The following ZFHX3 variants were observed in gnomAD, a reference collection of about 807,000 sequenced individuals.
The protein encoded by ZFHX3 is zinc finger homeobox protein 3.
In ZFHX3, 42 loss-of-function variants were observed where a neutral mutation model predicts 279.1. The observed-to-expected ratio is 0.15, with a 90% CI of 0.12 to 0.19. The LOEUF (loss-of-function observed/expected upper bound fraction) is 0.19, where lower values mean the gene tolerates loss of function less well. Ranked by LOEUF, ZFHX3 falls within the 10% of genes least tolerant of loss-of-function variation. The probability of loss-of-function intolerance (pLI) is 1.00; values close to 1 mark genes in which losing one functional copy is unlikely to be tolerated. For synonymous variants in ZFHX3, 2,293 were observed against 1,957.8 expected (o/e 1.17, Z -4.52); for missense variants, 4,981 against 4,754.0 (o/e 1.05, Z -1.40).
chr16:73,113,386 T>C (rs1966399771), intron 7 of ZFHX3, among the ~76,000 whole-genome samples: 1 of 151,994 alleles, frequency 6.6e-6, no homozygotes, highest in African/African-American at 2.4e-5. Context: ...CCTGAGGAAG[T>C]ACAAAAATTC....
intron 1 of ZFHX3, among the ~76,000 whole-genome samples, chr16:73,030,138 A>G (rs1176561015): frequency 6.6e-6 from 1 of 152,222 alleles, no homozygotes; most frequent in Non-Finnish European, 1.5e-5. Context: ...ATATGCCAGG[A>G]TAATCCCCAA....
chr16:73,142,623 G>T (rs1470741857), intron 6 of ZFHX3, among the ~76,000 whole-genome samples: 3 of 152,224 alleles, frequency 2.0e-5, no homozygotes. Flanking sequence ...GTTAATGAGT[G>T]CATGACGGGT....
chr16:72,999,454 G>C (rs952388679), intron 1 of ZFHX3, among the ~76,000 whole-genome samples: 2 of 152,214 alleles, frequency 1.3e-5, no homozygotes, highest in African/African-American at 2.4e-5. Context: ...AACATGCCTG[G>C]ATACCTGGAA....
intron 1 of ZFHX3, among the ~76,000 whole-genome samples, chr16:72,989,545 CA>C (rs1220610476): frequency 6.6e-6 from 1 of 151,552 alleles, no homozygotes; most frequent in Non-Finnish European, 1.5e-5. Context: ...AGGCTAAGAA[CA>C]CGCATACTAG....
chr16:73,608,266 A>AAT (rs2052210884), intron 2 of ZFHX3, among the ~76,000 whole-genome samples: 1 of 152,176 alleles, frequency 6.6e-6, no homozygotes, highest in South Asian at 2.1e-4. Context: ...GCTTTCTTGA[A>AAT]GCTGGTCCCA....
chr16:73,174,003 A>C (rs539026078), intron 5 of ZFHX3, among the ~76,000 whole-genome samples: 37 of 152,290 alleles, frequency 2.4e-4, no homozygotes, highest in African/African-American at 8.7e-4. Flanking sequence ...TCTGAAAATA[A>C]ACTTTGCAGT....
chr16:73,529,141 T>C (rs1425697996), intron 2 of ZFHX3, among the ~76,000 whole-genome samples: 1 of 152,166 alleles, frequency 6.6e-6, no homozygotes, highest in African/African-American at 2.4e-5. Context: ...GTGAAATACA[T>C]TGAGGGCCTA....
At chr16:73,505,013 T>A (rs1396550098) in intron 2 of ZFHX3, 1 of 151,746 alleles carries the variant, frequency 6.6e-6, no homozygotes, top group Non-Finnish European at 1.5e-5. Flanking sequence ...GAGGGGGCAA[T>A]GAGAAAGGAA....
intron 1 of ZFHX3, chr16:73,015,408 T>C (rs1964065974): frequency 6.6e-6 from 1 of 152,108 alleles, no homozygotes; most frequent in Admixed American, 6.5e-5. Context: ...AGAAAAAACC[T>C]CCCATCCTGG....
At chr16:73,619,474 C>T (rs1280241278) in intron 2 of ZFHX3, among the ~76,000 whole-genome samples, 1 of 114,500 alleles carries the variant, frequency 8.7e-6, no homozygotes, top group Non-Finnish European at 1.7e-5. Context: ...GGTGACAGAG[C>T]GATACTGTGT....
chr16:73,001,398 C>T (rs1963492630), intron 1 of ZFHX3, among the ~76,000 whole-genome samples: 1 of 152,162 alleles, frequency 6.6e-6, no homozygotes, highest in African/African-American at 2.4e-5. Context: ...CGCCACAGCC[C>T]GATTCCTGAC....
At position 73,525,170 on chromosome 16, in the gene ZFHX3, G is replaced by A. The variant is rs75163331; in HGVS notation, c.-1546-68912C>T. 6.6e-5 allele frequency among the ~76,000 whole-genome samples: 10 copies of A among 152,264 alleles called. No homozygotes were observed. In the East Asian group the frequency reaches 1.5e-3, roughly 24 times the overall value. On this transcript the variant is annotated intron_variant, in intron 2 of 17. Coordinates refer to the ZFHX3 transcript ENST00000641206. ...TTTTACGTACAGTTAATTCTCTCCC[G>A]ACCTGGGGAGATTCCTGTTGGCGAT... is the stretch of plus-strand genomic sequence containing the variant.
At chr16:72,992,682 A>G (rs1225883340) in intron 1 of ZFHX3, among the ~76,000 whole-genome samples, 1 of 152,202 alleles carries the variant, frequency 6.6e-6, no homozygotes, top group African/African-American at 2.4e-5. Context: ...AGACAGCAAA[A>G]GGAAATTAGC....
chr16:73,449,059 A>T (rs1030599579), intron 3 of ZFHX3, among the ~76,000 whole-genome samples: 2 of 152,172 alleles, frequency 1.3e-5, no homozygotes, highest in African/African-American at 4.8e-5. Context: ...AATATTCTCA[A>T]ACTCGGAGTA....
intron 3 of ZFHX3, among the ~76,000 whole-genome samples, chr16:73,447,415 GAAGTA>G (rs2018206771): frequency 1.3e-5 from 2 of 152,096 alleles, no homozygotes; most frequent in South Asian, 4.1e-4. Context: ...TGAGTAGAAA[GAAGTA>G]AAGAAAATAC....
chr16:73,591,494 T>C (rs868362028), intron 2 of ZFHX3, among the ~76,000 whole-genome samples: 3 of 150,462 alleles, frequency 2.0e-5, no homozygotes. Flanking sequence ...GAGATCGATA[T>C]CATCGTGGCT....
chr16:73,473,161 C>T (rs2018698552), intron 2 of ZFHX3, among the ~76,000 whole-genome samples: 1 of 151,230 alleles, frequency 6.6e-6, no homozygotes, highest in African/African-American at 2.4e-5. Context: ...GGCAACATAG[C>T]AAGACCCTAT....
intron 1 of ZFHX3, among the ~76,000 whole-genome samples, chr16:72,992,907 C>T (rs929823253): frequency 3.3e-5 from 5 of 152,224 alleles, no homozygotes; most frequent in East Asian, 1.9e-4. Context: ...GAGGCTGAGA[C>T]GGGTGGATCA....
intron 1 of ZFHX3, among the ~76,000 whole-genome samples, chr16:73,883,337 TTC>T (rs2030234596): frequency 6.6e-6 from 1 of 152,168 alleles, no homozygotes; most frequent in African/African-American, 2.4e-5. Context: ...TCTCTGTGTA[TTC>T]TGTTACTCCA....
Sources: gnomAD v4.1 joint callset for allele counts (sites outside exome capture counted in the v4.1 genomes callset) on GRCh38, gnomAD v4.1.1 for gene constraint, MANE v1.5 for transcripts, NCBI Gene and HGNC (gene_info 2026-07-23, HGNC 2026-07-21) for gene names.